The following EDAR variants were observed in gnomAD, a reference collection of about 807,000 sequenced individuals.
EDAR encodes the protein tumor necrosis factor receptor superfamily member EDAR.
Under a neutral mutation model 51.3 loss-of-function variants are expected in EDAR, and 38 were observed. The observed-to-expected ratio is 0.74, with a 90% CI of 0.57 to 0.97. EDAR has a LOEUF of 0.97. Ranked by LOEUF, EDAR falls within the 50% of genes least tolerant of loss-of-function variation. The pLI is 0.00. For synonymous variants in EDAR, 227 were observed against 242.1 expected (o/e 0.94, Z 0.58); for missense variants, 528 against 595.0 (o/e 0.89, Z 1.17).
At chr2:108,908,977 G>T (rs1329033261) in intron 9 of EDAR, among the ~76,000 whole-genome samples, 1 of 152,104 alleles carries the variant, frequency 6.6e-6, no homozygotes, top group Non-Finnish European at 1.5e-5. Flanking sequence ...GTCCCCACTC[G>T]AGAGAAGGTG....
chr2:108,962,210 A>G (rs191503451), intron 1 of EDAR, among the ~76,000 whole-genome samples: 2 of 152,316 alleles, frequency 1.3e-5, no homozygotes, highest in East Asian at 3.9e-4. Context: ...GATTGCGCTG[A>G]GATGCTCGGA....
chr2:108,986,437 G>C (rs2104493171), intron 1 of EDAR, among the ~76,000 whole-genome samples: 1 of 152,110 alleles, frequency 6.6e-6, no homozygotes, highest in East Asian at 1.9e-4. Context: ...GGCTGTCATT[G>C]CACCATCTCC....
chr2:108,954,963 C>T (rs931556631), intron 1 of EDAR, among the ~76,000 whole-genome samples: 10 of 152,132 alleles, frequency 6.6e-5, no homozygotes, highest in Non-Finnish European at 1.2e-4. Context: ...GGATTACATG[C>T]GTGAGCCACC....
chr2:108,975,084 C>G (rs1438117291), intron 1 of EDAR, among the ~76,000 whole-genome samples: 2 of 152,202 alleles, frequency 1.3e-5, no homozygotes, highest in Admixed American at 1.3e-4. Flanking sequence ...CGGAGCCTAG[C>G]CCCAAGTGCC....
At chr2:108,977,487 G>T (rs1698344338) in intron 1 of EDAR, among the ~76,000 whole-genome samples, 1 of 152,116 alleles carries the variant, frequency 6.6e-6, no homozygotes, top group African/African-American at 2.4e-5. Context: ...CGCCAGGATG[G>T]TCTCGATCTC....
At chr2:108,926,712 G>A (rs1490972977) in intron 4 of EDAR, among the ~76,000 whole-genome samples, 1 of 152,196 alleles carries the variant, frequency 6.6e-6, no homozygotes, top group Non-Finnish European at 1.5e-5. Context: ...GCTGCTCATT[G>A]TTCAGCAAGT....
At chr2:108,915,065 A>G (rs1345418154) in intron 5 of EDAR, among the ~76,000 whole-genome samples, 1 of 152,194 alleles carries the variant, frequency 6.6e-6, no homozygotes, top group Non-Finnish European at 1.5e-5. Context: ...GGTGTGTGCC[A>G]CCACACCTAC....
chr2:108,929,630 C>G (rs1179612689), intron 3 of EDAR, among the ~76,000 whole-genome samples: 1 of 152,192 alleles, frequency 6.6e-6, no homozygotes, highest in Non-Finnish European at 1.5e-5. Flanking sequence ...ATGAATTCAG[C>G]GAGCTGCTGG....
At chr2:108,908,055 T>TG (rs758689494) in intron 9 of EDAR, 36 bp from the exon 10 acceptor site, 40 of 1,575,604 alleles carry the variant, frequency 2.5e-5, no homozygotes, top group African/African-American at 5.4e-5. Context: ...TAGCAGTGCC[T>TG]GGGGGGGCTG....
intron 1 of EDAR, among the ~76,000 whole-genome samples, chr2:108,944,903 T>C (rs1021264489): frequency 6.6e-6 from 1 of 151,924 alleles, no homozygotes; most frequent in African/African-American, 2.4e-5. Context: ...GCCGGGGAGG[T>C]GCTTTGAGCC....
intron 1 of EDAR, among the ~76,000 whole-genome samples, chr2:108,934,379 A>G (rs1017216213): frequency 1.3e-5 from 2 of 151,992 alleles, no homozygotes; most frequent in African/African-American, 4.8e-5. Context: ...TACTTTGGGG[A>G]TCCCCAATCT....
intron 1 of EDAR, among the ~76,000 whole-genome samples, chr2:108,983,170 G>A (rs1040527831): frequency 6.6e-5 from 10 of 152,140 alleles, no homozygotes; most frequent in African/African-American, 2.4e-4. Flanking sequence ...TGCAGAGGAT[G>A]CCGCATGTCA....
intron 1 of EDAR, among the ~76,000 whole-genome samples, chr2:108,947,003 A>T (rs749973803): frequency 5.3e-5 from 8 of 152,198 alleles, no homozygotes; most frequent in Non-Finnish European, 1.0e-4. Context: ...AGACAAGGCA[A>T]ATCCCTTCTG....
chr2:108,957,135 C>T (rs1240652957), intron 1 of EDAR, among the ~76,000 whole-genome samples: 1 of 152,208 alleles, frequency 6.6e-6, no homozygotes, highest in East Asian at 1.9e-4. Flanking sequence ...CTACACTTTC[C>T]CCAGGCCTCA....
intron 5 of EDAR, among the ~76,000 whole-genome samples, chr2:108,919,547 G>A (rs182188865): frequency 1.1e-4 from 16 of 152,200 alleles, no homozygotes; most frequent in African/African-American, 3.6e-4. Flanking sequence ...TAGTAGAGAC[G>A]GGTTTTCTCC....
At chr2:108,926,101 G>C (rs538967666) in intron 4 of EDAR, among the ~76,000 whole-genome samples, 3 of 152,150 alleles carry the variant, frequency 2.0e-5, no homozygotes, top group Non-Finnish European at 4.4e-5. Context: ...TCACCGCCTG[G>C]CTTACACCTG....
At chr2:108,965,367 G>A (rs1698129157) in intron 1 of EDAR, among the ~76,000 whole-genome samples, 1 of 151,500 alleles carries the variant, frequency 6.6e-6, no homozygotes, top group African/African-American at 2.4e-5. Context: ...TGTAGTCCCA[G>A]CTACTCGGGA....
At chr2:108,956,107 T>A (rs577218829) in intron 1 of EDAR, among the ~76,000 whole-genome samples, 1 of 152,344 alleles carries the variant, frequency 6.6e-6, no homozygotes, top group Non-Finnish European at 1.5e-5. Context: ...TCATTCCCTA[T>A]TGTCTTAATT....
intron 1 of EDAR, among the ~76,000 whole-genome samples, chr2:108,962,698 A>G (rs365692): frequency 0.72 from 90,094 of 125,926 alleles, 38,272 homozygotes; most frequent in Non-Finnish European, 0.94. Context: ...AAAAAAAAAA[A>G]AAAGAGAGAA....
Sources: allele counts gnomAD v4.1 joint callset (sites outside exome capture counted in the v4.1 genomes callset), GRCh38; gene constraint gnomAD v4.1.1; transcripts MANE v1.5; gene names NCBI Gene and HGNC (gene_info 2026-07-23, HGNC 2026-07-21).